The following PARD3B variants were observed in gnomAD, a reference collection of about 807,000 sequenced individuals.
PARD3B encodes partitioning defective 3 homolog B.
PARD3B carries 103 observed loss-of-function variants against 130.2 expected under a neutral mutation model. The observed-to-expected ratio is 0.79, with a 90% CI of 0.67 to 0.93. The LOEUF (loss-of-function observed/expected upper bound fraction) is 0.93, where lower values mean the gene tolerates loss of function less well. Ranked by LOEUF, PARD3B falls within the 40% of genes least tolerant of loss-of-function variation. PARD3B has a pLI of 0.00. For synonymous variants in PARD3B, 583 were observed against 553.2 expected (o/e 1.05, Z -0.76); for missense variants, 1,609 against 1,499.2 (o/e 1.07, Z -1.21).
chr2:204,796,051 A>G (rs1477958876), intron 2 of PARD3B, among the ~76,000 whole-genome samples: 1 of 152,208 alleles, frequency 6.6e-6, no homozygotes, highest in African/African-American at 2.4e-5. Context: ...AATAGAACAG[A>G]AGGTAGGGCA....
chr2:205,449,734 G>T (rs2048034750), intron 20 of PARD3B, among the ~76,000 whole-genome samples: 1 of 152,166 alleles, frequency 6.6e-6, no homozygotes, highest in East Asian at 1.9e-4. Context: ...GAATGCTCCA[G>T]TTAAGCAGCT....
intron 18 of PARD3B, among the ~76,000 whole-genome samples, chr2:205,391,830 T>G (rs545280033): frequency 1.3e-5 from 2 of 152,318 alleles, no homozygotes; most frequent in East Asian, 3.9e-4. Context: ...TATTTAATTT[T>G]AATTTCTGGC....
chr2:204,784,265 G>A (rs750406379), intron 2 of PARD3B, among the ~76,000 whole-genome samples: 9 of 152,190 alleles, frequency 5.9e-5, no homozygotes, highest in Admixed American at 2.0e-4. Flanking sequence ...CTTCTTCACA[G>A]AGTTCTTATG....
At chr2:205,038,679 A>T (rs1559378175) in intron 3 of PARD3B, among the ~76,000 whole-genome samples, 1 of 152,216 alleles carries the variant, frequency 6.6e-6, no homozygotes, top group Non-Finnish European at 1.5e-5. Context: ...AAATACTAAA[A>T]GATGCTTTAT....
chr2:205,361,476 C>G (rs982700638), intron 18 of PARD3B, among the ~76,000 whole-genome samples: 4 of 152,176 alleles, frequency 2.6e-5, no homozygotes, highest in African/African-American at 9.7e-5. Context: ...TAACCCCACC[C>G]TTTTATAGCT....
chr2:205,438,399 A>G (rs2047592667), intron 19 of PARD3B, among the ~76,000 whole-genome samples: 2 of 152,212 alleles, frequency 1.3e-5, no homozygotes, highest in Admixed American at 6.5e-5. Context: ...GTATTGCCCC[A>G]TGAGGCAGCC....
At chr2:204,726,715 A>T (rs1303582981) in intron 2 of PARD3B, among the ~76,000 whole-genome samples, 1 of 152,162 alleles carries the variant, frequency 6.6e-6, no homozygotes, top group East Asian at 1.9e-4. Flanking sequence ...ACCCAAGGCT[A>T]ATTTTCATAC....
At chr2:204,647,333 ATCTG>A (rs1267313620) in intron 1 of PARD3B, among the ~76,000 whole-genome samples, 2 of 151,604 alleles carry the variant, frequency 1.3e-5, no homozygotes, top group South Asian at 4.1e-4. Context: ...TATTCTGCAT[ATCTG>A]TCCTTTGTTG....
intron 15 of PARD3B, among the ~76,000 whole-genome samples, chr2:205,203,804 A>G (rs1013074550): frequency 2.2e-4 from 34 of 152,242 alleles, no homozygotes; most frequent in Non-Finnish European, 3.7e-4. Context: ...ATGGCTGCAT[A>G]GTATTCCATG....
At chr2:205,143,216 G>A (rs907503551) in intron 10 of PARD3B, among the ~76,000 whole-genome samples, 5 of 152,012 alleles carry the variant, frequency 3.3e-5, no homozygotes, top group Admixed American at 6.6e-5. Context: ...ATTAAGTATC[G>A]TAAAAATTGT....
At chr2:205,051,229 C>A (rs1398722523) in intron 4 of PARD3B, among the ~76,000 whole-genome samples, 1 of 152,122 alleles carries the variant, frequency 6.6e-6, no homozygotes, top group East Asian at 1.9e-4. Flanking sequence ...TCCAGCTACA[C>A]CATTCTTGAT....
chr2:204,988,351 G>A (rs573090067), intron 3 of PARD3B, among the ~76,000 whole-genome samples: 1 of 152,242 alleles, frequency 6.6e-6, no homozygotes, highest in East Asian at 1.9e-4. Flanking sequence ...AGAAGGTAGT[G>A]GGGGGCATGT....
intron 16 of PARD3B, among the ~76,000 whole-genome samples, chr2:205,284,681 C>G (rs745780931): frequency 7.2e-5 from 11 of 152,128 alleles, no homozygotes; most frequent in Non-Finnish European, 1.2e-4. Flanking sequence ...TTTAGTGTAA[C>G]TGAAAACTGA....
At chr2:205,595,248 T>C (rs974835718) in intron 22 of PARD3B, among the ~76,000 whole-genome samples, 3 of 152,174 alleles carry the variant, frequency 2.0e-5, no homozygotes, top group East Asian at 1.9e-4. Context: ...CTGCCCACCA[T>C]AGAGGACAAA....
chr2:205,427,401 A>G (rs2047179710), intron 19 of PARD3B, among the ~76,000 whole-genome samples: 1 of 152,242 alleles, frequency 6.6e-6, no homozygotes, highest in Non-Finnish European at 1.5e-5. Context: ...AAACAAAAGC[A>G]TGTCCACACA....
chr2:204,944,552 A>G (rs756668189), intron 2 of PARD3B, among the ~76,000 whole-genome samples: 3 of 152,352 alleles, frequency 2.0e-5, no homozygotes, highest in Middle Eastern at 6.8e-3. Flanking sequence ...TTCTTCAGGC[A>G]TGTGGTCAAG....
chr2:205,074,325 A>G (rs560316120), intron 4 of PARD3B, among the ~76,000 whole-genome samples: 5 of 152,302 alleles, frequency 3.3e-5, no homozygotes, highest in African/African-American at 9.6e-5. Context: ...CTTATGTAAT[A>G]TATTTGCATA....
chr2:205,381,052 T>G (rs1454148560), intron 18 of PARD3B, among the ~76,000 whole-genome samples: 1 of 77,868 alleles, frequency 1.3e-5, no homozygotes, highest in Admixed American at 1.5e-4. Context: ...ATATATATTA[T>G]ATATAAAGAA....
intron 2 of PARD3B, among the ~76,000 whole-genome samples, chr2:204,729,163 T>C (rs1199797640): frequency 6.6e-6 from 1 of 152,208 alleles, no homozygotes; most frequent in Non-Finnish European, 1.5e-5. Context: ...CAAGTTTTAA[T>C]TGGTCTCACA....
Sources: allele counts gnomAD v4.1 joint callset (sites outside exome capture counted in the v4.1 genomes callset), GRCh38; gene constraint gnomAD v4.1.1; transcripts MANE v1.5; gene names NCBI Gene and HGNC (gene_info 2026-07-23, HGNC 2026-07-21).